FKBP15: variants seen among roughly 807,000 people sequenced by gnomAD.
FKBP15 encodes the protein FK506-binding protein 15.
A neutral mutation model predicts 158.1 loss-of-function variants in FKBP15; 106 were observed. The observed-to-expected ratio is 0.67, with a 90% confidence interval of 0.57 to 0.79. The LOEUF is 0.79. Ranked by LOEUF, FKBP15 falls within the 30% of genes least tolerant of loss-of-function variation. The pLI, the probability that FKBP15 is intolerant of heterozygous loss-of-function variation, is 0.00. For synonymous variants in FKBP15, 547 were observed against 548.6 expected (o/e 1.00, Z 0.04); for missense variants, 1,287 against 1,479.1 (o/e 0.87, Z 2.13).
rs1258873184 is a variant in FKBP15 at position 113,165,990 on chromosome 9, T to C, written c.*88A>G. ...CAGAATGCTCACCTTGACCTCACCC[T>C]GTGGTTCGCCTAGACCCAGGGTTGG... On this transcript the variant is annotated 3_prime_UTR_variant, in exon 28 of 28. Transcript: ENST00000238256. 27 of 1,298,334 alleles carry C rather than the reference T, an allele frequency of 2.1e-5. No individual in the cohort carries two copies. The highest frequency in any genetic ancestry group is 8.1e-5 in the Admixed American group (4 of 49,680). The allele number at this position is 1,298,334 out of a possible 1,614,324, so 80.4% of individuals were successfully genotyped here. A position where few individuals can be genotyped will look rare whatever the true frequency, so the allele number is the denominator to read the frequency against.
At chr9:113,207,438 C>T in intron 2 of FKBP15, 142 bp from the exon 3 acceptor site, 1 of 575,142 alleles carries the variant, frequency 1.7e-6, no homozygotes, top group South Asian at 1.7e-5. Context: ...CTCCCGGGTT[C>T]AAGCCATTCT....
At chr9:113,208,726 G>C (rs1830944149) in intron 2 of FKBP15, among the ~76,000 whole-genome samples, 1 of 151,728 alleles carries the variant, frequency 6.6e-6, no homozygotes, top group Non-Finnish European at 1.5e-5. Flanking sequence ...TGTTCCTCAG[G>C]CTGGACGAGA....
intron 27 of FKBP15, among the ~76,000 whole-genome samples, chr9:113,166,998 C>T (rs1200618967): frequency 6.6e-6 from 1 of 152,156 alleles, no homozygotes; most frequent in Non-Finnish European, 1.5e-5. Flanking sequence ...GGGAAGGCAG[C>T]GTGATGTGTA....
chr9:113,197,188 G>A, intron 8 of FKBP15, 110 bp from the exon 9 acceptor site: 1 of 1,351,214 alleles, frequency 7.4e-7, no homozygotes, highest in Non-Finnish European at 1.0e-6. Context: ...TTTACTCAGT[G>A]CCTCCAGAGG....
chr9:113,210,865 C>A (rs1457828558), intron 2 of FKBP15, among the ~76,000 whole-genome samples: 4 of 152,236 alleles, frequency 2.6e-5, no homozygotes, highest in African/African-American at 9.6e-5. Context: ...CGTCGAACAT[C>A]AGACTCCAAG....
chr9:113,190,074 G>A (rs1309856177), intron 12 of FKBP15, among the ~76,000 whole-genome samples: 6 of 152,210 alleles, frequency 3.9e-5, no homozygotes, highest in Non-Finnish European at 7.3e-5. Flanking sequence ...ACTAGTTGGA[G>A]CTTTAGTGAT....
chr9:113,204,512 A>G (rs1003289531), intron 4 of FKBP15, among the ~76,000 whole-genome samples: 40 of 152,286 alleles, frequency 2.6e-4, no homozygotes, highest in African/African-American at 8.4e-4. Context: ...TTTTTGAAGG[A>G]TATTTTTGTT....
intron 1 of FKBP15, among the ~76,000 whole-genome samples, chr9:113,214,044 C>T (rs374541903): frequency 1.3e-5 from 2 of 152,142 alleles, no homozygotes; most frequent in South Asian, 4.1e-4. Flanking sequence ...CCAATCCTCC[C>T]ACCTCAGCCT....
chr9:113,194,434 T>A, intron 9 of FKBP15, among the ~76,000 whole-genome samples: 1 of 133,756 alleles, frequency 7.5e-6, no homozygotes, highest in African/African-American at 2.9e-5. Context: ...AATAAATAAA[T>A]AAATAATAAA....
At chr9:113,169,111 T>C (rs534408991) in intron 26 of FKBP15, 113 bp downstream of exon 26, 1 of 1,364,796 alleles carries the variant, frequency 7.3e-7, no homozygotes, top group Non-Finnish European at 9.7e-7. Context: ...AACTAATGAA[T>C]GAAGACATGA....
intron 12 of FKBP15, among the ~76,000 whole-genome samples, chr9:113,189,043 A>G (rs1830531096): frequency 6.6e-6 from 1 of 152,228 alleles, no homozygotes; most frequent in African/African-American, 2.4e-5. Flanking sequence ...AAAGCTTTTC[A>G]TAAAATCAAA....
intron 24 of FKBP15, among the ~76,000 whole-genome samples, chr9:113,170,873 G>A (rs1191565772): frequency 6.6e-6 from 1 of 152,150 alleles, no homozygotes; most frequent in Non-Finnish European, 1.5e-5. Context: ...GCTGTGGTCT[G>A]TGTGCCCAAG....
rs1830020782 is a variant in FKBP15 at position 113,161,966 on chromosome 9, T to C, written c.*4112A>G. Reference sequence around the variant, plus strand: ...AGTGATCTTCAGGTGCAGGCCCCTATCTAGCAAATGAGGTGGCCACCCACC... The same window carrying C: ...AGTGATCTTCAGGTGCAGGCCCCTACCTAGCAAATGAGGTGGCCACCCACC... On this transcript the variant is annotated 3_prime_UTR_variant, in exon 28 of 28. Coordinates refer to ENST00000238256, the MANE Select transcript of FKBP15 (RefSeq NM_015258.2). The C allele has an allele frequency of 1.8e-6, 1 of 551,144 alleles. No homozygotes were observed. 34.1% of individuals were successfully genotyped at this position (551,144 alleles called of 1,614,324 possible). A position where few individuals can be genotyped will look rare whatever the true frequency, so the allele number is the denominator to read the frequency against.
At chr9:113,188,667 C>A in intron 12 of FKBP15, 176 bp from the exon 13 acceptor site, 4 of 570,434 alleles carry the variant, frequency 7.0e-6, no homozygotes, top group Non-Finnish European at 1.3e-5. Flanking sequence ...AAGCACTCTG[C>A]TATGCAATAA....
In FKBP15 at chr9:113,187,725, G is replaced by T. The variant is rs776182536; in HGVS notation, c.1383+68C>A. 3.2e-6 allele frequency: 4 copies of T among 1,256,900 alleles called. No individual in the cohort carries two copies. The African/African-American group carries it at 4.5e-5, about 14-fold the overall frequency. The allele number at this position is 1,256,900 out of a possible 1,614,324, so 77.9% of individuals were successfully genotyped here. The stretch of plus-strand genomic sequence containing the variant: ...TGCTACTGTATGAAATGTACAGGAA[G>T]AAGAAAAGAGACTGACTAGAACCAC... On this transcript the variant is annotated intron_variant, in intron 14 of 27. Coordinates refer to ENST00000238256, the MANE Select transcript of FKBP15 (RefSeq NM_015258.2).
chr9:113,174,792 C>T (rs1830273299), intron 21 of FKBP15, among the ~76,000 whole-genome samples: 1 of 152,138 alleles, frequency 6.6e-6, no homozygotes, highest in Non-Finnish European at 1.5e-5. Flanking sequence ...AGAGCTGTAT[C>T]TACCCCTCTA....
intron 11 of FKBP15, among the ~76,000 whole-genome samples, chr9:113,192,084 A>C (rs1021905145): frequency 1.3e-5 from 2 of 152,152 alleles, no homozygotes; most frequent in African/African-American, 4.8e-5. Flanking sequence ...GTCTGCTAGA[A>C]GTTACTATAG....
intron 24 of FKBP15, 141 bp from the exon 25 acceptor site, chr9:113,170,770 G>T: frequency 1.4e-6 from 1 of 691,748 alleles, no homozygotes; most frequent in Admixed American, 2.5e-5. Flanking sequence ...CAGAGACACT[G>T]AAGGCTGTCA....
At position 113,198,980 on chromosome 9, in the gene FKBP15, T is replaced by A. The variant is rs750880812; in HGVS notation, c.649-57A>T. The A allele has an allele frequency of 1.5e-5, 18 of 1,198,300 alleles. No homozygotes were observed. The highest frequency in any genetic ancestry group is 2.2e-5 in the Non-Finnish European group (18 of 824,866). The allele number at this position is 1,198,300 out of a possible 1,614,324, so 74.2% of individuals were successfully genotyped here. A position where few individuals can be genotyped will look rare whatever the true frequency, so the allele number is the denominator to read the frequency against. On this transcript the variant is annotated intron_variant, in intron 7 of 27. Coordinates refer to ENST00000238256, the MANE Select transcript of FKBP15 (RefSeq NM_015258.2). The surrounding 1 kb of genome is among the most constrained non-coding windows in gnomAD (Gnocchi z 5.2). ...CAATTTCAAAAATAATAATAACCAT[T>A]ATGATATTCAACTAACTACATACCA... is the stretch of plus-strand genomic sequence containing the variant.
Sources: allele counts gnomAD v4.1 joint callset (sites outside exome capture counted in the v4.1 genomes callset), GRCh38; gene constraint gnomAD v4.1.1; non-coding constraint Gnocchi (gnomAD v3.1); transcripts MANE v1.5; gene names NCBI Gene and HGNC (gene_info 2026-07-23, HGNC 2026-07-21).